The following PCDHGB6 variants were observed in gnomAD, a reference collection of about 807,000 sequenced individuals.
PCDHGB6 encodes the protein protocadherin gamma-B6.
Under a neutral mutation model 59.1 loss-of-function variants are expected in PCDHGB6, and 51 were observed. That is an observed-to-expected ratio of 0.86 (90% CI 0.69 to 1.09). PCDHGB6 has a LOEUF of 1.09. Among genes scored for constraint, PCDHGB6 ranks in the 50% least tolerant of loss-of-function variants. The pLI is 0.00. For synonymous variants in PCDHGB6, 466 were observed against 495.1 expected (o/e 0.94, Z 0.78); for missense variants, 1,148 against 1,205.1 (o/e 0.95, Z 0.70).
intron 1 of PCDHGB6, among the ~76,000 whole-genome samples, chr5:141,481,869 G>A (rs909237712): frequency 4.1e-5 from 6 of 146,780 alleles, no homozygotes; most frequent in East Asian, 2.0e-4. Flanking sequence ...AGCCGAGATC[G>A]CGCCACTGCA....
chr5:141,494,924 TGGGAGGAGATGGGGGAG>T, intron 2 of PCDHGB6, 59 bp downstream of exon 2: 1 of 1,613,498 alleles, frequency 6.2e-7, no homozygotes, highest in Admixed American at 1.7e-5. Flanking sequence ...AGGGATGACG[TGGGAGGAGATGGGGGAG>T]GGCCCAGCAT....
intron 1 of PCDHGB6, 177 bp downstream of exon 1, chr5:141,410,797 C>T: frequency 3.0e-6 from 2 of 675,992 alleles, no homozygotes; most frequent in South Asian, 3.2e-5. Flanking sequence ...TCATAAGTTG[C>T]TCTATCTTTT....
In PCDHGB6 at chr5:141,409,416, T is replaced by G. The variant is rs770750853; in HGVS notation, c.1214T>G (p.Val405Gly). Residue 405 changes from valine to glycine, a missense_variant, in exon 1 of 4, where the codon GTG (valine) becomes GGG (glycine). Transcript: ENST00000520790. ...YSSSNNYYKL[V>G]TDGALDREQT... ...TCTTCCAATAACTACTACAAACTGG[T>G]GACAGATGGAGCCCTGGACCGAGAG... 6.2e-7 allele frequency: 1 copy of G among 1,613,964 alleles called. No individual in the cohort carries two copies. The highest frequency in any genetic ancestry group is 1.1e-5 in the South Asian group (1 of 91,074).
chr5:141,486,617 C>A lies in PCDHGB6; in HGVS notation c.2419-8190C>A. On this transcript the variant is annotated intron_variant, in intron 1 of 3. Coordinates refer to ENST00000520790, the MANE Select transcript of PCDHGB6 (RefSeq NM_018926.3). The surrounding 1 kb of genome is among the most constrained non-coding windows in gnomAD (Gnocchi z 5.0). The stretch of plus-strand genomic sequence containing the variant: ...GCTTTGCTCCCTTGCAGCCTCTGAC[C>A]CAGACTCTGGCTTGAATGCGCTTAT... The A allele has an allele frequency of 1.2e-6, 2 of 1,613,602 alleles. No homozygotes were observed. The highest frequency in any genetic ancestry group is 2.2e-5 in the East Asian group (1 of 44,874).
At chr5:141,427,525 C>T (rs779318429) in intron 1 of PCDHGB6, 9 of 611,980 alleles carry the variant, frequency 1.5e-5, no homozygotes, top group South Asian at 3.0e-5. Flanking sequence ...GAGCGGATCC[C>T]GGAGTACAAC....
intron 1 of PCDHGB6, chr5:141,422,266 G>A (rs1393466157): frequency 6.4e-7 from 1 of 1,563,654 alleles, no homozygotes; most frequent in Non-Finnish European, 8.6e-7. Context: ...TAACGCTCCA[G>A]AAATAACTAT....
Position 141,409,534 on chromosome 5 carries a change from C to A in PCDHGB6, c.1332C>A (p.Asp444Glu), listed in dbSNP as rs774144232. Reference sequence around the variant, plus strand: ...GAAGCATCACCTTGTATGTCGCTGACATCAACGACAACGCCCCAGTTTTCG... The same window carrying A: ...GAAGCATCACCTTGTATGTCGCTGAAATCAACGACAACGCCCCAGTTTTCG... ...SSRSITLYVA[D>E]INDNAPVFDQ... Residue 444 changes from aspartate (D) to glutamate (E), a missense_variant, in exon 1 of 4, where the codon GAC (aspartate) becomes GAA (glutamate). Asp to Glu is a conservative substitution (Grantham distance 45). This residue lies in a region of PCDHGB6 where 549 missense variants were observed against 527.5 expected (regional missense o/e 1.04). Coordinates refer to ENST00000520790, the MANE Select transcript of PCDHGB6 (RefSeq NM_018926.3). 5 of 1,613,986 alleles carry A rather than the reference C, an allele frequency of 3.1e-6. No homozygotes were observed. Among genetic ancestry groups the A allele is most frequent in the Non-Finnish European group, 4.2e-6 (5 of 1,179,908 alleles).
chr5:141,414,473 G>C lies in PCDHGB6; in HGVS notation c.2418+3853G>C, dbSNP rs371832510. 50 of 1,613,790 alleles carry C rather than the reference G, an allele frequency of 3.1e-5. No individual in the cohort carries two copies. The highest frequency in any genetic ancestry group is 4.1e-5 in the Non-Finnish European group (48 of 1,179,892). Reference sequence around the variant, plus strand: ...ACAGTGACAGCCACAGATGGGGGAAGTCCTCCTCTATCAACGGAAGCTCAC... The same window carrying C: ...ACAGTGACAGCCACAGATGGGGGAACTCCTCCTCTATCAACGGAAGCTCAC... On this transcript the variant is annotated intron_variant, in intron 1 of 3. Transcript: ENST00000520790.
chr5:141,487,813 TG>T lies in PCDHGB6; in HGVS notation c.2419-6989del. 7.2e-7 allele frequency: 1 copy of T among 1,384,138 alleles called. No homozygotes were observed. 85.7% of individuals were successfully genotyped at this position (1,384,138 alleles called of 1,614,324 possible). A position where few individuals can be genotyped will look rare whatever the true frequency, so the allele number is the denominator to read the frequency against. On this transcript the variant is annotated intron_variant, in intron 1 of 3. Transcript: ENST00000520790. This position sits in a 1 kb window ranked among gnomAD's most constrained non-coding sequence, Gnocchi z 5.0. Reference sequence around the variant, plus strand: ...AACCAGAGTTGTCACAGTTTAGCATTGGGGGCGGGTCATGCCTATATCTGAG... The same window carrying T: ...AACCAGAGTTGTCACAGTTTAGCATTGGGGCGGGTCATGCCTATATCTGAG...
At chr5:141,499,828 A>G (rs921957227) in intron 2 of PCDHGB6, among the ~76,000 whole-genome samples, 1 of 151,834 alleles carries the variant, frequency 6.6e-6, no homozygotes, top group Non-Finnish European at 1.5e-5. Context: ...CTAGGATTAC[A>G]GGTGTGCACC....
Position 141,494,692 on chromosome 5 carries a change from C to T in PCDHGB6, c.2419-115C>T. On this transcript the variant is annotated intron_variant, in intron 1 of 3. Coordinates refer to ENST00000520790, the MANE Select transcript of PCDHGB6 (RefSeq NM_018926.3). ...AGTCCACCCCTGCCCCCTCTTAGTC[C>T]GTTTTCTTCTCTGTGCCCACTCCCC... 2.5e-6 allele frequency: 4 copies of T among 1,581,934 alleles called. No individual in the cohort carries two copies. In the African/African-American group the frequency reaches 4.0e-5, roughly 16 times the overall value.
intron 1 of PCDHGB6, chr5:141,414,158 G>A (rs1167529832): frequency 6.2e-7 from 1 of 1,602,572 alleles, no homozygotes; most frequent in Non-Finnish European, 8.5e-7. Flanking sequence ...GCAGAAGATG[G>A]AGGAGCATAT....
chr5:141,499,888 A>G (rs574246186), intron 2 of PCDHGB6, among the ~76,000 whole-genome samples: 105 of 152,174 alleles, frequency 6.9e-4, no homozygotes, highest in African/African-American at 2.4e-3. Flanking sequence ...GGGTTTCGCC[A>G]TGTTGGCCAG....
chr5:141,477,361 G>A lies in PCDHGB6; in HGVS notation c.2419-17446G>A. The A allele has an allele frequency of 6.2e-7, 1 of 1,614,172 alleles. No individual in the cohort carries two copies. The highest frequency in any genetic ancestry group is 8.5e-7 in the Non-Finnish European group (1 of 1,180,032). Reference sequence around the variant, plus strand: ...TCACTTTGAAAACCAGTGCAGACCTGGATCGGGAGACTGTGCCAGAATACA... The same window carrying A: ...TCACTTTGAAAACCAGTGCAGACCTAGATCGGGAGACTGTGCCAGAATACA... On this transcript the variant is annotated intron_variant, in intron 1 of 3. Coordinates refer to ENST00000520790, the MANE Select transcript of PCDHGB6 (RefSeq NM_018926.3). The surrounding 1 kb of genome is among the most constrained non-coding windows in gnomAD (Gnocchi z 4.9).
rs756706355 is a variant in PCDHGB6 at position 141,486,950 on chromosome 5, G to A, written c.2419-7857G>A. On this transcript the variant is annotated intron_variant, in intron 1 of 3. Transcript: ENST00000520790. This position sits in a 1 kb window ranked among gnomAD's most constrained non-coding sequence, Gnocchi z 5.0. The stretch of plus-strand genomic sequence containing the variant: ...TGGTGCTGGCCACCTAATCACAAAG[G>A]TGACTGCTGTGGACTTGGATTCAGG... 2 of 1,614,202 alleles carry A rather than the reference G, an allele frequency of 1.2e-6. No homozygotes were observed. The highest frequency in any genetic ancestry group is 1.7e-6 in the Non-Finnish European group (2 of 1,180,044).
chr5:141,504,755 T>A (rs953075905), intron 2 of PCDHGB6, among the ~76,000 whole-genome samples: 13 of 151,824 alleles, frequency 8.6e-5, no homozygotes, highest in Non-Finnish European at 1.5e-5. Flanking sequence ...ATTTTAGAAA[T>A]TTCTTCTCCC....
intron 1 of PCDHGB6, among the ~76,000 whole-genome samples, chr5:141,475,285 A>G (rs2099361212): frequency 6.6e-6 from 1 of 152,244 alleles, no homozygotes; most frequent in Non-Finnish European, 1.5e-5. Context: ...AAGACAGGGT[A>G]GGGAAATTTC....
rs3074541 is a variant in PCDHGB6 at position 141,433,358 on chromosome 5, CCTATCTATCTATCTATCTATCTAT to C, written c.2418+22763_2418+22786del. 6 of 503,934 alleles carry C rather than the reference CCTATCTATCTATCTATCTATCTAT, an allele frequency of 1.2e-5. No homozygotes were observed. In the Admixed American group the frequency reaches 1.5e-4, roughly 12 times the overall value. The allele number at this position is 503,934 out of a possible 1,614,324, so 31.2% of individuals were successfully genotyped here. ...ACAGGTGCAAGCCACCTACTGTCTG[CCTATCTATCTATCTATCTATCTAT>C]CTATCTATCTATCTATCTATCTATT... On this transcript the variant is annotated intron_variant, in intron 1 of 3. Transcript: ENST00000520790.
chr5:141,472,095 C>T (rs1186697747), intron 1 of PCDHGB6, among the ~76,000 whole-genome samples: 1 of 151,998 alleles, frequency 6.6e-6, no homozygotes, highest in African/African-American at 2.4e-5. Flanking sequence ...TATTATTATT[C>T]CCATTTTATA....
Sources: allele counts gnomAD v4.1 joint callset (sites outside exome capture counted in the v4.1 genomes callset), GRCh38; gene constraint gnomAD v4.1.1; regional missense constraint gnomAD v4.1.1; non-coding constraint Gnocchi (gnomAD v3.1); transcripts MANE v1.5; gene names NCBI Gene and HGNC (gene_info 2026-07-23, HGNC 2026-07-21).